SOX5: variants seen among roughly 807,000 people sequenced by gnomAD.
SOX5 encodes the protein SRY-box transcription factor 5.
SOX5 carries 9 observed loss-of-function variants against 92.0 expected under a neutral mutation model. The observed-to-expected ratio is 0.10, with a 90% confidence interval of 0.06 to 0.17. The LOEUF is 0.17. Ranked by LOEUF, SOX5 falls within the 10% of genes least tolerant of loss-of-function variation. The pLI, the probability that SOX5 is intolerant of heterozygous loss-of-function variation, is 1.00. For synonymous variants in SOX5, 344 were observed against 336.3 expected (o/e 1.02, Z -0.25); for missense variants, 642 against 944.5 (o/e 0.68, Z 4.20).
chr12:24,108,194 C>T (rs758782616), intron 4 of SOX5, among the ~76,000 whole-genome samples: 2 of 152,250 alleles, frequency 1.3e-5, no homozygotes, highest in African/African-American at 2.4e-5. Context: ...AAGCTATATC[C>T]ACCCTAATTG....
intron 6 of SOX5, among the ~76,000 whole-genome samples, chr12:23,712,771 A>G (rs1318807492): frequency 6.6e-6 from 1 of 152,208 alleles, no homozygotes; most frequent in East Asian, 1.9e-4. Flanking sequence ...AAAAGTTAAA[A>G]TGAAATTATA....
intron 1 of SOX5, among the ~76,000 whole-genome samples, chr12:24,401,708 TAAAAAAAAAAAA>T (rs71063321): frequency 4.5e-4 from 45 of 99,456 alleles, no homozygotes; most frequent in African/African-American, 9.8e-4. Flanking sequence ...ACCCTATCTT[TAAAAAAAAAAAA>T]AAAAAAAAAA....
intron 1 of SOX5, among the ~76,000 whole-genome samples, chr12:23,897,729 G>C (rs919621089): frequency 3.9e-5 from 6 of 151,990 alleles, no homozygotes; most frequent in African/African-American, 1.4e-4. Flanking sequence ...ATGCTCCCTG[G>C]CCAGCAATAC....
intron 4 of SOX5, among the ~76,000 whole-genome samples, chr12:23,983,278 C>T (rs918466095): frequency 4.6e-5 from 7 of 152,166 alleles, no homozygotes; most frequent in African/African-American, 1.7e-4. Flanking sequence ...CTGCTTCCCT[C>T]TGAATGTTAA....
At chr12:24,438,523 C>A (rs761921034) in intron 1 of SOX5, among the ~76,000 whole-genome samples, 4 of 152,074 alleles carry the variant, frequency 2.6e-5, no homozygotes, top group African/African-American at 4.8e-5. Flanking sequence ...AAATTGATAA[C>A]CTTCTGGAAA....
chr12:23,994,271 TGAA>T (rs1324514923), intron 4 of SOX5, among the ~76,000 whole-genome samples: 2 of 151,932 alleles, frequency 1.3e-5, no homozygotes, highest in South Asian at 2.1e-4. Context: ...AGAGCAAAAA[TGAA>T]GAACAGATAG....
chr12:24,101,166 C>T lies in SOX5; in HGVS notation c.-2+112177G>A, dbSNP rs118096036. Among the ~76,000 whole-genome samples the T allele has an allele frequency of 3.2e-3, 488 of 152,168 alleles. 1 individual carries two copies. The highest frequency in any genetic ancestry group is 6.8e-3 in the Middle Eastern group (2 of 294). On this transcript the variant is annotated intron_variant, in intron 4 of 4. Transcript: ENST00000446891. Reference sequence around the variant, plus strand: ...TCAGAAGGAAAACTAAACTTCAAACCAAGTCTTTCCTTGATTTGGTTCCTG... The same window carrying T: ...TCAGAAGGAAAACTAAACTTCAAACTAAGTCTTTCCTTGATTTGGTTCCTG...
chr12:23,833,608 C>G (rs954298617), intron 3 of SOX5, among the ~76,000 whole-genome samples: 1 of 151,894 alleles, frequency 6.6e-6, no homozygotes, highest in African/African-American at 2.4e-5. Flanking sequence ...ATAAAGTTTT[C>G]ACTTGTATAA....
chr12:23,619,339 T>C lies in SOX5; in HGVS notation c.1018-14806A>G, dbSNP rs867137787. 6.6e-5 allele frequency among the ~76,000 whole-genome samples: 10 copies of C among 152,304 alleles called. 1 individual carries two copies. In the Middle Eastern group the frequency reaches 0.024, roughly 363 times the overall value. On this transcript the variant is annotated intron_variant, in intron 8 of 14. Transcript: ENST00000451604. Reference sequence around the variant, plus strand: ...CTTACTGTGAGACATGTCCATGTCATATCTCTTGGAACCTTCTCAACAACC... The same window carrying C: ...CTTACTGTGAGACATGTCCATGTCACATCTCTTGGAACCTTCTCAACAACC...
intron 4 of SOX5, among the ~76,000 whole-genome samples, chr12:24,058,196 T>G (rs984057821): frequency 1.3e-5 from 2 of 152,246 alleles, no homozygotes; most frequent in Non-Finnish European, 2.9e-5. Flanking sequence ...CCTGGCTTTG[T>G]GCTTATTTGC....
intron 6 of SOX5, among the ~76,000 whole-genome samples, chr12:23,704,687 CATATATATATATATATAT>C (rs376550773): frequency 3.3e-5 from 3 of 90,110 alleles, no homozygotes; most frequent in Admixed American, 1.3e-4. Flanking sequence ...TATATGCATG[CATATATATATATATATAT>C]ATATATATAT....
chr12:24,180,608 C>T (rs1955385966), intron 4 of SOX5, among the ~76,000 whole-genome samples: 1 of 152,170 alleles, frequency 6.6e-6, no homozygotes, highest in Non-Finnish European at 1.5e-5. Flanking sequence ...TACTATGCCA[C>T]TTTACTTCAT....
intron 4 of SOX5, among the ~76,000 whole-genome samples, chr12:24,184,514 C>T (rs573046712): frequency 1.3e-5 from 2 of 152,036 alleles, no homozygotes; most frequent in Non-Finnish European, 1.5e-5. Flanking sequence ...TATGAATAAA[C>T]ATCATGTTAC....
At chr12:23,865,214 A>G (rs772616437) in intron 2 of SOX5, among the ~76,000 whole-genome samples, 3 of 152,180 alleles carry the variant, frequency 2.0e-5, no homozygotes, top group Non-Finnish European at 4.4e-5. Flanking sequence ...AAAAAGAGAG[A>G]TTCATTTAAA....
At chr12:24,372,049 G>A (rs1956794339) in intron 1 of SOX5, among the ~76,000 whole-genome samples, 1 of 151,940 alleles carries the variant, frequency 6.6e-6, no homozygotes, top group Non-Finnish European at 1.5e-5. Context: ...TACCTCCTGT[G>A]AGAAATGAAC....
intron 4 of SOX5, among the ~76,000 whole-genome samples, chr12:24,107,606 G>T (rs116621041): frequency 4.5e-4 from 69 of 151,882 alleles, no homozygotes; most frequent in African/African-American, 1.6e-3. Flanking sequence ...TAGTGGAAGT[G>T]TGTTTTATTC....
At chr12:23,877,766 G>A (rs1361808136) in intron 2 of SOX5, among the ~76,000 whole-genome samples, 3 of 151,874 alleles carry the variant, frequency 2.0e-5, no homozygotes, top group Admixed American at 6.6e-5. Flanking sequence ...TATGAAATGT[G>A]TATTCTTTGG....
At chr12:24,437,109 ATT>A (rs1307636365) in intron 1 of SOX5, among the ~76,000 whole-genome samples, 1 of 152,146 alleles carries the variant, frequency 6.6e-6, no homozygotes, top group Non-Finnish European at 1.5e-5. Flanking sequence ...AGAGATGAAT[ATT>A]GTTTTCAAGC....
Position 23,972,543 on chromosome 12 carries a change from G to C in SOX5, c.-1-76519C>G, listed in dbSNP as rs12827070. ...TGGCTAATTTTTTGTATTTTCAGTAGAGACAGGGTTTTTTTATGTTGGCCA... is the reference window on the plus strand; with the variant it reads ...TGGCTAATTTTTTGTATTTTCAGTACAGACAGGGTTTTTTTATGTTGGCCA... On this transcript the variant is annotated intron_variant, in intron 4 of 4. Transcript: ENST00000446891. 4.9e-3 allele frequency among the ~76,000 whole-genome samples: 741 copies of C among 152,110 alleles called. 6 individuals carry two copies. Among genetic ancestry groups the C allele is most frequent in the African/African-American group, 0.016 (681 of 41,504 alleles).
Sources: gnomAD v4.1 joint callset for allele counts (sites outside exome capture counted in the v4.1 genomes callset) on GRCh38, gnomAD v4.1.1 for gene constraint, MANE v1.5 for transcripts, NCBI Gene and HGNC (gene_info 2026-07-23, HGNC 2026-07-21) for gene names.